The following TRAK1 variants were observed in gnomAD, a reference collection of about 807,000 sequenced individuals.
TRAK1 encodes the protein trafficking kinesin protein 1.
TRAK1 carries 33 observed loss-of-function variants against 92.1 expected under a neutral mutation model. The ratio of observed to expected loss-of-function variants is 0.36; its 90% confidence interval spans 0.27 to 0.48. TRAK1 has a LOEUF of 0.48. TRAK1 is among the 20% of genes least tolerant of loss of function. The probability of loss-of-function intolerance (pLI) is 0.99; values close to 1 mark genes in which losing one functional copy is unlikely to be tolerated. For missense variants in TRAK1, 1,123 were observed against 1,257.9 expected (o/e 0.89, Z 1.62); for synonymous variants, 521 against 517.3 (o/e 1.01, Z -0.10).
At chr3:42,182,881 A>G (rs1475880687) in intron 3 of TRAK1, among the ~76,000 whole-genome samples, 1 of 152,246 alleles carries the variant, frequency 6.6e-6, no homozygotes, top group Non-Finnish European at 1.5e-5. Context: ...AAACTCAGTG[A>G]ATCATAAAGC....
chr3:42,120,359 T>C lies in TRAK1; in HGVS notation c.92-5061T>C, dbSNP rs1429445166. Reference sequence around the variant, plus strand: ...CTTGTTTACATTAGCTTGTTACTAATGTGAATTGTAACTGTGGGGAAATGG... The same window carrying C: ...CTTGTTTACATTAGCTTGTTACTAACGTGAATTGTAACTGTGGGGAAATGG... On this transcript the variant is annotated intron_variant, in intron 1 of 15. Coordinates refer to ENST00000327628, the MANE Select transcript of TRAK1 (RefSeq NM_001042646.3). Among the ~76,000 whole-genome samples the C allele has an allele frequency of 2.6e-5, 4 of 152,132 alleles. No homozygotes were observed. The East Asian group carries it at 7.7e-4, about 29-fold the overall frequency.
chr3:42,212,547 C>T (rs1022060793), intron 14 of TRAK1: 4 of 979,618 alleles, frequency 4.1e-6, no homozygotes, highest in Non-Finnish European at 3.6e-6. Flanking sequence ...TTTACAATCC[C>T]ATGTCTTAAA....
intron 1 of TRAK1, among the ~76,000 whole-genome samples, chr3:42,074,202 T>G (rs1285187490): frequency 1.3e-5 from 2 of 152,218 alleles, no homozygotes; most frequent in African/African-American, 4.8e-5. Flanking sequence ...TCTTTGTGTT[T>G]CCTCTCTTGT....
At chr3:42,171,978 C>T (rs1342696265) in intron 2 of TRAK1, among the ~76,000 whole-genome samples, 2 of 152,188 alleles carry the variant, frequency 1.3e-5, no homozygotes, top group Non-Finnish European at 2.9e-5. Context: ...CCCCCCTCTC[C>T]GTCCCCATTA....
chr3:42,191,453 G>A, intron 6 of TRAK1, 105 bp from the exon 7 acceptor site: 1 of 923,148 alleles, frequency 1.1e-6, no homozygotes, highest in Non-Finnish European at 1.6e-6. Context: ...AATGCTAAGG[G>A]CAGCTTCCCA....
intron 15 of TRAK1, among the ~76,000 whole-genome samples, chr3:42,221,271 G>GA (rs1317170749): frequency 1.3e-5 from 2 of 152,022 alleles, no homozygotes; most frequent in African/African-American, 2.4e-5. Context: ...AATGCCTTCT[G>GA]AAAAAATCCA....
intron 2 of TRAK1, chr3:42,151,401 A>G (rs1226660885): frequency 2.2e-6 from 1 of 456,426 alleles, no homozygotes; most frequent in African/African-American, 2.0e-5. Context: ...AGCAAAGGAA[A>G]ATAGAAGAGG....
chr3:42,131,433 T>G (rs1256693158), intron 2 of TRAK1, among the ~76,000 whole-genome samples: 1 of 152,122 alleles, frequency 6.6e-6, no homozygotes, highest in East Asian at 1.9e-4. Context: ...AAAAATATAG[T>G]CTGCCAGGCG....
At chr3:42,129,870 A>G (rs1696964453) in intron 2 of TRAK1, among the ~76,000 whole-genome samples, 1 of 152,190 alleles carries the variant, frequency 6.6e-6, no homozygotes, top group Non-Finnish European at 1.5e-5. Flanking sequence ...CAAAGGGGAC[A>G]AGAAAACTTC....
At chr3:42,113,642 TGACCTCAGGTGATCCACC>T (rs1559784874) in intron 1 of TRAK1, among the ~76,000 whole-genome samples, 1 of 152,130 alleles carries the variant, frequency 6.6e-6, no homozygotes, top group Non-Finnish European at 1.5e-5. Context: ...CTTGAACTCC[TGACCTCAGGTGATCCACC>T]GACCTCAGCC....
intron 2 of TRAK1, among the ~76,000 whole-genome samples, chr3:42,172,418 C>A (rs73828584): frequency 6.6e-6 from 1 of 152,176 alleles, no homozygotes; most frequent in African/African-American, 2.4e-5. Context: ...GTTCTTAAAT[C>A]TCAGGATAAG....
At chr3:42,056,686 C>T (rs1379397474) in intron 1 of TRAK1, among the ~76,000 whole-genome samples, 3 of 151,898 alleles carry the variant, frequency 2.0e-5, no homozygotes, top group South Asian at 2.1e-4. Context: ...TTAAAATTTC[C>T]ACTTTTTAAT....
intron 2 of TRAK1, among the ~76,000 whole-genome samples, chr3:42,153,240 C>G (rs1462105056): frequency 6.6e-6 from 1 of 151,694 alleles, no homozygotes; most frequent in African/African-American, 2.4e-5. Context: ...CCTGTCTGTA[C>G]AAAAAATAAA....
rs777828377 is a variant in TRAK1, at chr3:42,188,106, C to G, written c.542C>G (p.Ala181Gly). 1 of 1,614,140 alleles carries G rather than the reference C, an allele frequency of 6.2e-7. No homozygotes were observed. Among genetic ancestry groups the G allele is most frequent in the Non-Finnish European group, 8.5e-7 (1 of 1,180,048 alleles). ...KDELLQFYTS[A>G]AEESEPESVC... ...GAGCTGCTTCAGTTCTACACCAGCG[C>G]TGCGGAGGAGAGTGAGCCCGAGTCC... Residue 181 changes from alanine (A) to glycine (G), a missense_variant, in exon 5 of 16, where the codon GCT becomes GGT. Coordinates refer to ENST00000327628, the MANE Select transcript of TRAK1 (RefSeq NM_001042646.3).
At chr3:42,160,318 A>T in intron 2 of TRAK1, 6 of 1,609,174 alleles carry the variant, frequency 3.7e-6, no homozygotes, top group Non-Finnish European at 4.2e-6. Flanking sequence ...ACCCCCAAGG[A>T]TGGTCCCTTA....
At chr3:42,159,174 C>T (rs1327699030) in intron 2 of TRAK1, among the ~76,000 whole-genome samples, 1 of 152,038 alleles carries the variant, frequency 6.6e-6, no homozygotes, top group Non-Finnish European at 1.5e-5. Flanking sequence ...GATTCAAAGA[C>T]GAATGAGATA....
chr3:42,016,035 T>TCAAAAA (rs543946421), intron 1 of TRAK1, among the ~76,000 whole-genome samples: 1,952 of 151,898 alleles, frequency 0.013, 32 homozygotes, highest in African/African-American at 0.044. Context: ...AGACCCCATC[T>TCAAAAA]CAAAAACAAA....
intron 1 of TRAK1, among the ~76,000 whole-genome samples, chr3:42,056,382 GGGTATGAAGT>G (rs1199309716): frequency 1.3e-5 from 2 of 152,074 alleles, no homozygotes; most frequent in Non-Finnish European, 2.9e-5. Flanking sequence ...AAATCCTTGT[GGGTATGAAGT>G]GGTATCTCAT....
At chr3:42,143,818 G>A (rs1218528558) in intron 2 of TRAK1, among the ~76,000 whole-genome samples, 2 of 152,186 alleles carry the variant, frequency 1.3e-5, no homozygotes, top group African/African-American at 4.8e-5. Flanking sequence ...TGGATTTGAT[G>A]TCAGATAGAC....
Sources: gnomAD v4.1 joint callset for allele counts (sites outside exome capture counted in the v4.1 genomes callset) on GRCh38, gnomAD v4.1.1 for gene constraint, MANE v1.5 for transcripts, NCBI Gene and HGNC (gene_info 2026-07-23, HGNC 2026-07-21) for gene names.